The following RBFOX2 variants were observed in gnomAD, a reference collection of about 807,000 sequenced individuals.
RBFOX2 encodes the protein RNA binding fox-1 homolog 2.
RBFOX2 carries 10 observed loss-of-function variants against 49.1 expected under a neutral mutation model. That is an observed-to-expected ratio of 0.20 (90% CI 0.13 to 0.35). RBFOX2 has a LOEUF of 0.35. Among genes scored for constraint, RBFOX2 ranks in the 10% least tolerant of loss-of-function variants. The pLI is 1.00. For missense variants in RBFOX2, 323 were observed against 486.9 expected, an observed-to-expected ratio of 0.66 and a Z score of 3.17; for synonymous variants, 183 against 187.4, an observed-to-expected ratio of 0.98 and a Z score of 0.19.
intron 1 of RBFOX2, among the ~76,000 whole-genome samples, chr22:35,898,681 G>A (rs1215102315): frequency 6.6e-6 from 1 of 152,004 alleles, no homozygotes; most frequent in Non-Finnish European, 1.5e-5. Flanking sequence ...ACCTGCCTGG[G>A]CCTCCCAAAG....
chr22:35,769,882 G>C (rs1386517394), intron 4 of RBFOX2, among the ~76,000 whole-genome samples: 1 of 152,124 alleles, frequency 6.6e-6, no homozygotes, highest in Non-Finnish European at 1.5e-5. Context: ...GAATTCCAAT[G>C]GATGATCTCT....
At chr22:35,781,415 G>A (rs867438040) in intron 3 of RBFOX2, among the ~76,000 whole-genome samples, 185 bp downstream of exon 4, 1 of 152,192 alleles carries the variant, frequency 6.6e-6, no homozygotes, top group Non-Finnish European at 1.5e-5. Context: ...CCACCTGCAA[G>A]ACTATGTCTA....
chr22:35,845,580 T>C (rs951952537), upstream of RBFOX2, among the ~76,000 whole-genome samples: 1 of 152,210 alleles, frequency 6.6e-6, no homozygotes, highest in African/African-American at 2.4e-5. Context: ...CACAAATTAC[T>C]ACATGTCTTT....
rs200947927 is a variant in RBFOX2, at chr22:35,986,957, CT to C, written c.186+41282del. 8.5e-3 allele frequency among the ~76,000 whole-genome samples: 1,203 copies of C among 141,684 alleles called. 4 individuals carry two copies. Among genetic ancestry groups the C allele is most frequent in the South Asian group, 0.015 (69 of 4,474 alleles). 93.0% of individuals were successfully genotyped at this position (141,684 alleles called of 152,430 possible). On this transcript the variant is annotated intron_variant, in intron 1 of 13. Coordinates refer to the RBFOX2 transcript ENST00000438146. ...AAAATAGAGTTTTGTATAAAGATCTCTTTTTTTTTTTTTTAAGACTGTTACA... is the reference window on the plus strand; with the variant it reads ...AAAATAGAGTTTTGTATAAAGATCTCTTTTTTTTTTTTTAAGACTGTTACA...
At chr22:35,814,385 G>A (rs1250188776) in intron 1 of RBFOX2, among the ~76,000 whole-genome samples, 1 of 152,048 alleles carries the variant, frequency 6.6e-6, no homozygotes, top group African/African-American at 2.4e-5. Flanking sequence ...TAAATGTTAT[G>A]TAAATAGTTG....
intron 1 of RBFOX2, among the ~76,000 whole-genome samples, chr22:35,949,139 T>C: frequency 6.6e-6 from 1 of 152,244 alleles, no homozygotes; most frequent in Non-Finnish European, 1.5e-5. Flanking sequence ...TTCATCCATA[T>C]TGTAGCACGT....
chr22:35,822,419 T>C (rs1954722136), intron 1 of RBFOX2, among the ~76,000 whole-genome samples: 1 of 152,236 alleles, frequency 6.6e-6, no homozygotes, highest in African/African-American at 2.4e-5. Context: ...GCATTATCTT[T>C]TGCCCCTAGG....
intron 9 of RBFOX2, among the ~76,000 whole-genome samples, chr22:35,750,139 G>A (rs1934356557): frequency 6.6e-6 from 1 of 152,026 alleles, no homozygotes; most frequent in South Asian, 2.1e-4. Context: ...GCCCACCCTA[G>A]CCCTGGCCCA....
intron 9 of RBFOX2, among the ~76,000 whole-genome samples, chr22:35,751,064 G>A (rs111439744): frequency 7.0e-4 from 107 of 152,076 alleles, no homozygotes; most frequent in Middle Eastern, 6.8e-3. Flanking sequence ...ATGATCTTTC[G>A]GCACAGTTCT....
At chr22:35,844,506 T>C (rs1004174454), upstream of RBFOX2, among the ~76,000 whole-genome samples, 1 of 152,150 alleles carries the variant, frequency 6.6e-6, no homozygotes, top group Non-Finnish European at 1.5e-5. Context: ...ACTTCACTTT[T>C]TTTTTTGAGG....
At chr22:35,801,593 G>A (rs1191520208) in intron 2 of RBFOX2, among the ~76,000 whole-genome samples, 2 of 152,170 alleles carry the variant, frequency 1.3e-5, no homozygotes, top group Non-Finnish European at 2.9e-5. Context: ...GGGAGGCTGA[G>A]GTGGGTGGAT....
chr22:35,954,604 C>T (rs973446802), intron 1 of RBFOX2, among the ~76,000 whole-genome samples: 40 of 152,184 alleles, frequency 2.6e-4, no homozygotes, highest in Non-Finnish European at 5.9e-5. Context: ...TAGTAATGGC[C>T]CTCCATTGCT....
chr22:35,817,949 A>AACACACACACACACAC (rs71322983), intron 1 of RBFOX2, among the ~76,000 whole-genome samples: 1 of 143,468 alleles, frequency 7.0e-6, no homozygotes, highest in African/African-American at 2.6e-5. Context: ...ATCACTTGTC[A>AACACACACACACACAC]ACACACACAC....
intron 1 of RBFOX2, among the ~76,000 whole-genome samples, chr22:35,826,005 G>GAATTAACT (rs1421419156): frequency 1.6e-5 from 2 of 125,656 alleles, no homozygotes; most frequent in African/African-American, 6.2e-5. Context: ...AAAAAAAAAG[G>GAATTAACT]AATTAACTAA....
chr22:35,947,481 T>C (rs2054419789), intron 1 of RBFOX2, among the ~76,000 whole-genome samples: 1 of 151,510 alleles, frequency 6.6e-6, no homozygotes, highest in Non-Finnish European at 1.5e-5. Flanking sequence ...AGGGAGGTCC[T>C]TCCTGAGGTC....
intron 1 of RBFOX2, among the ~76,000 whole-genome samples, chr22:35,932,173 C>A (rs538452997): frequency 1.3e-5 from 2 of 152,038 alleles, no homozygotes; most frequent in African/African-American, 4.8e-5. Context: ...AAGTAGTCAT[C>A]ATTTCTTCAA....
chr22:35,863,470 G>A (rs1341340960), intron 1 of RBFOX2, among the ~76,000 whole-genome samples: 2 of 152,052 alleles, frequency 1.3e-5, no homozygotes, highest in South Asian at 2.1e-4. Flanking sequence ...CCAAAAAGGC[G>A]GCCAGGGTGT....
At chr22:35,807,230 C>A (rs1950917351) in intron 2 of RBFOX2, among the ~76,000 whole-genome samples, 1 of 151,856 alleles carries the variant, frequency 6.6e-6, no homozygotes, top group African/African-American at 2.4e-5. Flanking sequence ...TAATATCAGA[C>A]AAATAGTTTT....
intron 1 of RBFOX2, among the ~76,000 whole-genome samples, chr22:35,820,909 A>G (rs1954311615): frequency 6.6e-6 from 1 of 152,196 alleles, no homozygotes; most frequent in Non-Finnish European, 1.5e-5. Flanking sequence ...AACTACATAC[A>G]ATAGCCACAG....
Sources: allele counts gnomAD v4.1 joint callset (sites outside exome capture counted in the v4.1 genomes callset), GRCh38; gene constraint gnomAD v4.1.1; transcripts MANE v1.5; gene names NCBI Gene and HGNC (gene_info 2026-07-23, HGNC 2026-07-21).